The following KLHL2 variants were observed in gnomAD, a reference collection of about 807,000 sequenced individuals.
KLHL2 encodes kelch like family member 2, also known as kelch-like protein 2.
In KLHL2, 15 loss-of-function variants were observed where a neutral mutation model predicts 75.8. That is an observed-to-expected ratio of 0.20 (90% CI 0.13 to 0.30). KLHL2 has a LOEUF of 0.30. KLHL2 is among the 10% of genes least tolerant of loss of function. The pLI, the probability that KLHL2 is intolerant of heterozygous loss-of-function variation, is 1.00. For synonymous variants in KLHL2, 214 were observed against 251.9 expected (o/e 0.85, Z 1.42); for missense variants, 381 against 741.0 (o/e 0.51, Z 5.64).
chr4:165,210,325 C>G, intron 1 of KLHL2: 1 of 834,764 alleles, frequency 1.2e-6, no homozygotes, highest in South Asian at 1.5e-5. Flanking sequence ...TCTCCACTGG[C>G]CTGTTGGCAC....
At chr4:165,260,577 TG>T (rs549742797) in intron 4 of KLHL2, among the ~76,000 whole-genome samples, 19 of 148,238 alleles carry the variant, frequency 1.3e-4, no homozygotes, top group South Asian at 2.1e-4. Flanking sequence ...TGTGTGTGTG[TG>T]GGGGGGGTGT....
At chr4:165,217,422 T>C (rs1364173006) in intron 1 of KLHL2, among the ~76,000 whole-genome samples, 1 of 152,170 alleles carries the variant, frequency 6.6e-6, no homozygotes, top group Non-Finnish European at 1.5e-5. Flanking sequence ...GACTTATCAG[T>C]GCTTTTCCTT....
intron 7 of KLHL2, among the ~76,000 whole-genome samples, chr4:165,299,041 T>A (rs1312648421): frequency 1.3e-5 from 2 of 151,008 alleles, no homozygotes; most frequent in East Asian, 3.9e-4. Context: ...ATGGGTACGT[T>A]GCTTTAAGGT....
intron 5 of KLHL2, among the ~76,000 whole-genome samples, chr4:165,264,682 ATGTGTGTG>A (rs760543186): frequency 1.5e-5 from 1 of 68,704 alleles, no homozygotes. Context: ...ACGTATATGT[ATGTGTGTG>A]TGTGTGTGTG....
At position 165,214,193 on chromosome 4, in the gene KLHL2, G is replaced by T. The variant is rs574488402; in HGVS notation, c.27-5741G>T. 3.9e-5 allele frequency among the ~76,000 whole-genome samples: 6 copies of T among 152,102 alleles called. No homozygotes were observed. The South Asian group carries it at 1.2e-3, about 32-fold the overall frequency. On this transcript the variant is annotated intron_variant, in intron 1 of 14. Coordinates refer to ENST00000226725, the MANE Select transcript of KLHL2 (RefSeq NM_007246.4). ...AACTGAATTGCGGAGTCGTATTGCC[G>T]CCCCCTTACCAACGAAGTGATGGCA...
chr4:165,235,604 T>C (rs1739278568), intron 3 of KLHL2, among the ~76,000 whole-genome samples: 1 of 152,242 alleles, frequency 6.6e-6, no homozygotes, highest in African/African-American at 2.4e-5. Flanking sequence ...TCAGACATGT[T>C]ATACAGAGAT....
chr4:165,304,801 A>T (rs577179404), intron 8 of KLHL2, among the ~76,000 whole-genome samples: 2 of 152,196 alleles, frequency 1.3e-5, no homozygotes, highest in Non-Finnish European at 2.9e-5. Context: ...GAGTTACTTC[A>T]TAAGTCTTGT....
chr4:165,240,001 A>G (rs529570625), intron 4 of KLHL2, among the ~76,000 whole-genome samples: 1 of 152,310 alleles, frequency 6.6e-6, no homozygotes, highest in African/African-American at 2.4e-5. Flanking sequence ...ATATATATGT[A>G]TGATTTTTCA....
chr4:165,222,097 T>C (rs1738042446), intron 2 of KLHL2, among the ~76,000 whole-genome samples: 1 of 152,022 alleles, frequency 6.6e-6, no homozygotes. Context: ...AGTGGGTCTC[T>C]GTTGACCTGG....
chr4:165,215,950 G>A (rs1232577220), intron 1 of KLHL2, among the ~76,000 whole-genome samples: 2 of 152,098 alleles, frequency 1.3e-5, no homozygotes, highest in East Asian at 3.9e-4. Flanking sequence ...ATGTGAGAAG[G>A]GGTGGTTATT....
At chr4:165,278,001 T>C (rs753726466) in intron 5 of KLHL2, 24 of 1,416,960 alleles carry the variant, frequency 1.7e-5, no homozygotes, top group Non-Finnish European at 2.3e-5. Context: ...ATACCTGAGA[T>C]GTACCTTGCT....
downstream of KLHL2, chr4:165,323,154 TCA>T (rs1328569005): frequency 1.3e-5 from 2 of 152,674 alleles, no homozygotes; most frequent in Non-Finnish European, 2.9e-5. Flanking sequence ...ATTATTTGTT[TCA>T]CAGTGTTCTT....
chr4:165,250,654 T>C (rs113738000), intron 4 of KLHL2, among the ~76,000 whole-genome samples: 16,455 of 152,258 alleles, frequency 0.11, 1,288 homozygotes, highest in Non-Finnish European at 0.16. Flanking sequence ...TGTAAAAATA[T>C]ACCAGTTAAA....
intron 5 of KLHL2, among the ~76,000 whole-genome samples, chr4:165,275,320 C>T (rs1021966731): frequency 1.3e-5 from 2 of 152,042 alleles, no homozygotes; most frequent in Non-Finnish European, 2.9e-5. Flanking sequence ...TTATTTTTAG[C>T]ATTTTTTGCA....
At chr4:165,306,241 C>T (rs983350100) in intron 9 of KLHL2, among the ~76,000 whole-genome samples, 10 of 152,260 alleles carry the variant, frequency 6.6e-5, no homozygotes, top group Middle Eastern at 3.4e-3. Flanking sequence ...TCTCCCATAG[C>T]GAAATGAGTT....
At chr4:165,278,538 G>T in intron 5 of KLHL2, 1 of 1,609,982 alleles carries the variant, frequency 6.2e-7, no homozygotes, top group Non-Finnish European at 8.5e-7. Context: ...TCCCAATAAG[G>T]TGCATATAAC....
At chr4:165,232,319 C>T (rs867147256) in intron 3 of KLHL2, among the ~76,000 whole-genome samples, 16 of 150,812 alleles carry the variant, frequency 1.1e-4, no homozygotes, top group Middle Eastern at 3.4e-3. Flanking sequence ...CCCACCTACT[C>T]GGGAGGCTGA....
chr4:165,217,868 T>C (rs539134008), intron 1 of KLHL2, among the ~76,000 whole-genome samples: 1 of 152,296 alleles, frequency 6.6e-6, no homozygotes, highest in African/African-American at 2.4e-5. Context: ...AACCATTAGG[T>C]ATAAAAACAG....
At chr4:165,303,091 C>T (rs926980906) in intron 8 of KLHL2, among the ~76,000 whole-genome samples, 4 of 152,238 alleles carry the variant, frequency 2.6e-5, no homozygotes, top group South Asian at 4.1e-4. Context: ...CCCCATTGCA[C>T]GTTCTCCTTG....
Sources: allele counts gnomAD v4.1 joint callset (sites outside exome capture counted in the v4.1 genomes callset), GRCh38; gene constraint gnomAD v4.1.1; transcripts MANE v1.5; gene names NCBI Gene and HGNC (gene_info 2026-07-23, HGNC 2026-07-21).